Variants in SEMA5A observed in about 807,000 individuals in gnomAD.
SEMA5A encodes semaphorin 5A.
Under a neutral mutation model 135.5 loss-of-function variants are expected in SEMA5A, and 55 were observed. That is an observed-to-expected ratio of 0.41 (90% CI 0.33 to 0.51). The LOEUF is 0.51. SEMA5A is among the 20% of genes least tolerant of loss of function. The probability of loss-of-function intolerance (pLI) is 0.37; values close to 1 mark genes in which losing one functional copy is unlikely to be tolerated. For missense variants in SEMA5A, 1,290 were observed against 1,419.9 expected, an observed-to-expected ratio of 0.91 and a Z score of 1.47; for synonymous variants, 580 against 546.5, an observed-to-expected ratio of 1.06 and a Z score of -0.85.
chr5:9,353,241 A>AAAGGAAAGGAAAGGAAAGG (rs1561177451), intron 3 of SEMA5A, among the ~76,000 whole-genome samples: 4 of 95,234 alleles, frequency 4.2e-5, no homozygotes, highest in African/African-American at 1.7e-4. Flanking sequence ...GAAAGGAAGG[A>AAAGGAAAGGAAAGGAAAGG]AAGGGAAGGG....
At chr5:9,217,413 G>T (rs1470017819) in intron 8 of SEMA5A, among the ~76,000 whole-genome samples, 3 of 152,138 alleles carry the variant, frequency 2.0e-5, no homozygotes, top group Admixed American at 6.5e-5. Flanking sequence ...CTCTCTAGCT[G>T]CCATTAACAT....
chr5:9,368,931 C>T (rs1236973879), intron 3 of SEMA5A, among the ~76,000 whole-genome samples: 1 of 152,110 alleles, frequency 6.6e-6, no homozygotes, highest in African/African-American at 2.4e-5. Context: ...TTTTCTGGGA[C>T]TTATTGTAAG....
intron 3 of SEMA5A, among the ~76,000 whole-genome samples, chr5:9,359,108 C>T (rs1413594332): frequency 1.3e-5 from 2 of 152,194 alleles, no homozygotes; most frequent in South Asian, 4.2e-4. Flanking sequence ...TACACACTCA[C>T]GGACACACAC....
chr5:9,273,346 A>G (rs142507583), intron 5 of SEMA5A, among the ~76,000 whole-genome samples: 1,550 of 152,300 alleles, frequency 0.01, 30 homozygotes, highest in African/African-American at 0.036. Context: ...ATGTGAAAAG[A>G]CTAAATCTAT....
At chr5:9,268,466 A>C (rs1409189724) in intron 5 of SEMA5A, among the ~76,000 whole-genome samples, 1 of 152,152 alleles carries the variant, frequency 6.6e-6, no homozygotes. Flanking sequence ...AGGAAATGTA[A>C]AGCTTACTTT....
chr5:9,360,441 T>C (rs188976842), intron 3 of SEMA5A, among the ~76,000 whole-genome samples: 141 of 152,300 alleles, frequency 9.3e-4, no homozygotes, highest in Non-Finnish European at 1.6e-3. Flanking sequence ...GATTATGAGA[T>C]AGAGATGCAG....
chr5:9,043,798 T>C (rs1010607531), intron 22 of SEMA5A, among the ~76,000 whole-genome samples: 7 of 152,242 alleles, frequency 4.6e-5, no homozygotes, highest in African/African-American at 1.7e-4. Context: ...CTGCTGAATC[T>C]TCAGTGGGAA....
chr5:9,310,904 C>A (rs1752099336), intron 5 of SEMA5A, among the ~76,000 whole-genome samples: 1 of 150,256 alleles, frequency 6.7e-6, no homozygotes, highest in Non-Finnish European at 1.5e-5. Flanking sequence ...ACATATGAAT[C>A]TTTAGTGTTT....
At chr5:9,290,442 T>C (rs1751022726) in intron 5 of SEMA5A, among the ~76,000 whole-genome samples, 1 of 152,206 alleles carries the variant, frequency 6.6e-6, no homozygotes, top group Non-Finnish European at 1.5e-5. Context: ...ACTTGTTGAC[T>C]GATGGGCATT....
At chr5:9,316,095 G>A (rs1291613017) in intron 5 of SEMA5A, among the ~76,000 whole-genome samples, 4 of 152,064 alleles carry the variant, frequency 2.6e-5, no homozygotes, top group Non-Finnish European at 5.9e-5. Context: ...ATCTACTCAT[G>A]GATTCTTATG....
At chr5:9,229,316 T>A (rs1747489242) in intron 6 of SEMA5A, among the ~76,000 whole-genome samples, 1 of 152,218 alleles carries the variant, frequency 6.6e-6, no homozygotes, top group South Asian at 2.1e-4. Context: ...GCTTGTCTTG[T>A]TTTGTTCTCT....
At chr5:9,356,463 A>C (rs1754451751) in intron 3 of SEMA5A, among the ~76,000 whole-genome samples, 1 of 152,170 alleles carries the variant, frequency 6.6e-6, no homozygotes, top group Admixed American at 6.5e-5. Context: ...ACTTGTAGAC[A>C]CTTTGGATTC....
At chr5:9,465,408 A>G (rs114720515) in intron 1 of SEMA5A, among the ~76,000 whole-genome samples, 287 of 152,358 alleles carry the variant, frequency 1.9e-3, no homozygotes, top group African/African-American at 6.4e-3. Context: ...TTAAAGACTT[A>G]TCGTGTGCCA....
At chr5:9,461,845 GA>G (rs1343150575) in intron 1 of SEMA5A, among the ~76,000 whole-genome samples, 2 of 152,196 alleles carry the variant, frequency 1.3e-5, no homozygotes, top group Non-Finnish European at 2.9e-5. Flanking sequence ...ACATATGTAT[GA>G]ACGTACTCCA....
intron 16 of SEMA5A, among the ~76,000 whole-genome samples, chr5:9,071,056 A>C (rs1737742535): frequency 6.6e-6 from 1 of 152,232 alleles, no homozygotes; most frequent in African/African-American, 2.4e-5. Context: ...CAGGAAGCTA[A>C]CTATTATGAT....
chr5:9,142,443 G>C (rs1392706948), intron 12 of SEMA5A, among the ~76,000 whole-genome samples: 3 of 152,206 alleles, frequency 2.0e-5, no homozygotes, highest in Non-Finnish European at 4.4e-5. Flanking sequence ...ACTAAAGATT[G>C]AGGGTTTCCT....
chr5:9,128,154 A>T lies in SEMA5A; in HGVS notation c.1600-5317T>A, dbSNP rs116369656. ...ATTATTCCTCACCATTGTGAGGTGG[A>T]GCAGAGGGAGGAGGAATCTGTGGTG... is the stretch of plus-strand genomic sequence containing the variant. On this transcript the variant is annotated intron_variant, in intron 13 of 22. Coordinates refer to ENST00000382496, the MANE Select transcript of SEMA5A (RefSeq NM_003966.3). Among the ~76,000 whole-genome samples, 741 of 152,302 alleles carry T rather than the reference A, an allele frequency of 4.9e-3. 5 individuals carry two copies. Among genetic ancestry groups the T allele is most frequent in the Non-Finnish European group, 7.7e-3 (524 of 68,032 alleles).
intron 16 of SEMA5A, among the ~76,000 whole-genome samples, chr5:9,068,398 C>A (rs1423251017): frequency 6.6e-6 from 1 of 152,148 alleles, no homozygotes; most frequent in African/African-American, 2.4e-5. Flanking sequence ...TCTTGCCTGT[C>A]TGGATGCTGG....
At chr5:9,315,598 T>C (rs980027946) in intron 5 of SEMA5A, among the ~76,000 whole-genome samples, 34 of 152,224 alleles carry the variant, frequency 2.2e-4, no homozygotes, top group African/African-American at 7.2e-4. Context: ...TTCATACCTT[T>C]CATGACTTCG....
Sources: gnomAD v4.1 joint callset for allele counts (sites outside exome capture counted in the v4.1 genomes callset) on GRCh38, gnomAD v4.1.1 for gene constraint, MANE v1.5 for transcripts, NCBI Gene and HGNC (gene_info 2026-07-23, HGNC 2026-07-21) for gene names.